The following KNCN variants were observed in gnomAD, a reference collection of about 807,000 sequenced individuals.
The protein encoded by KNCN is kinocilin.
Under a neutral mutation model 10.4 loss-of-function variants are expected in KNCN, and 11 were observed. The observed-to-expected ratio is 1.06, with a 90% CI of 0.67 to 1.75. The LOEUF (loss-of-function observed/expected upper bound fraction) is 1.75. Ranked by LOEUF, KNCN falls within the 40% of genes most tolerant of loss-of-function variation. The pLI is 0.00. For synonymous variants in KNCN, 67 were observed against 71.6 expected (o/e 0.94, Z 0.33); for missense variants, 172 against 167.1 (o/e 1.03, Z -0.16).
Position 46,547,811 on chromosome 1 carries a change from T to TG in KNCN, c.296-3dup. 1 of 1,455,530 alleles carries TG rather than the reference T, an allele frequency of 6.9e-7. No individual in the cohort carries two copies. The highest frequency in any genetic ancestry group is 2.5e-5 in the East Asian group (1 of 40,356). 90.2% of individuals were successfully genotyped at this position (1,455,530 alleles called of 1,614,324 possible). On this transcript the variant is annotated splice_polypyrimidine_tract_variant and splice_region_variant and intron_variant, in intron 3 of 3. Transcript: ENST00000481882. ...CGGTGGACAGGCTGCTGCGGGCTCCTGGGGGAGAGAACAGGGACGAGGACT... is the reference window on the plus strand; with the variant it reads ...CGGTGGACAGGCTGCTGCGGGCTCCTGGGGGGAGAGAACAGGGACGAGGACT...
rs1666948242 is a variant in KNCN, at chr1:46,546,647, A to G, written c.*1083T>C. 6.6e-6 allele frequency: 1 copy of G among 152,284 alleles called. No homozygotes were observed. The highest frequency in any genetic ancestry group is 6.5e-5 in the Admixed American group (1 of 15,286). 9.4% of individuals were successfully genotyped at this position (152,284 alleles called of 1,614,324 possible). On this transcript the variant is annotated 3_prime_UTR_variant, in exon 4 of 4. Coordinates refer to ENST00000481882, the MANE Select transcript of KNCN (RefSeq NM_001322255.2). The stretch of plus-strand genomic sequence containing the variant: ...TCTACCCACGGTAGATGGGACTTTG[A>G]AGTGGCTTCCCAGGGAAAGCCTAGG...
rs569795031 is a variant in KNCN, at chr1:46,546,721, A to C, written c.*1009T>G. The C allele has an allele frequency of 6.6e-6, 1 of 152,572 alleles. No individual in the cohort carries two copies. The highest frequency in any genetic ancestry group is 1.9e-4 in the East Asian group (1 of 5,192). The allele number at this position is 152,572 out of a possible 1,614,324, so 9.5% of individuals were successfully genotyped here. A position where few individuals can be genotyped will look rare whatever the true frequency, so the allele number is the denominator to read the frequency against. On this transcript the variant is annotated 3_prime_UTR_variant, in exon 4 of 4. Coordinates refer to ENST00000481882, the MANE Select transcript of KNCN (RefSeq NM_001322255.2). ...ATCCATTAACATTTATTAAGCACCT[A>C]CTGGTCTGGTGCTAGACACTAGAGC...
In KNCN at chr1:46,547,615, G is replaced by T. The variant is rs1222915476; in HGVS notation, c.*115C>A. 1 of 809,884 alleles carries T rather than the reference G, an allele frequency of 1.2e-6. No homozygotes were observed. The highest frequency in any genetic ancestry group is 2.7e-5 in the East Asian group (1 of 37,676). The allele number at this position is 809,884 out of a possible 1,614,324, so 50.2% of individuals were successfully genotyped here. A position where few individuals can be genotyped will look rare whatever the true frequency, so the allele number is the denominator to read the frequency against. On this transcript the variant is annotated 3_prime_UTR_variant, in exon 4 of 4. Coordinates refer to ENST00000481882, the MANE Select transcript of KNCN (RefSeq NM_001322255.2). ...CAGACACTGTTCCCAGCCGCTCTGG[G>T]GTCTGCAGGGCCTGGCTTGTCTCCG... is the stretch of plus-strand genomic sequence containing the variant.
rs1479841081 is a variant in KNCN at position 46,547,912 on chromosome 1, T to G, written c.296-103A>C. 9 of 789,346 alleles carry G rather than the reference T, an allele frequency of 1.1e-5. 1 individual carries two copies. In the South Asian group the frequency reaches 2.0e-4, roughly 17 times the overall value. 48.9% of individuals were successfully genotyped at this position (789,346 alleles called of 1,614,324 possible). On this transcript the variant is annotated intron_variant, in intron 3 of 3. Transcript: ENST00000481882. ...GGGACCCAAGGCCGGGGTGCCTGGT[T>G]GACCCCAGGGCAGAGCTGGGATAGA... is the stretch of plus-strand genomic sequence containing the variant.
At chr1:46,549,115 TG>T in intron 3 of KNCN, 77 bp downstream of exon 3, 1 of 1,146,976 alleles carries the variant, frequency 8.7e-7, no homozygotes, top group South Asian at 1.4e-5. Context: ...CACTCCAGCC[TG>T]GGCAACACGA....
rs114099268 is a variant in KNCN at position 46,547,852 on chromosome 1, T to A, written c.296-43A>T. ...GACGAGGACTGCCTCCGTAGACAGG[T>A]CCCCATGGAGTTGTCAGGGTCAGAG... is the stretch of plus-strand genomic sequence containing the variant. On this transcript the variant is annotated intron_variant, in intron 3 of 3. Coordinates refer to ENST00000481882, the MANE Select transcript of KNCN (RefSeq NM_001322255.2). The A allele has an allele frequency of 7.1e-4, 989 of 1,387,014 alleles. 6 individuals are homozygous for A. The African/African-American group carries it at 0.012, about 17-fold the overall frequency. 85.9% of individuals were successfully genotyped at this position (1,387,014 alleles called of 1,614,324 possible). A position where few individuals can be genotyped will look rare whatever the true frequency, so the allele number is the denominator to read the frequency against.
rs1184402384 is a variant in KNCN, at chr1:46,547,720, A to G, written c.*10T>C. 6.6e-7 allele frequency: 1 copy of G among 1,513,776 alleles called. No homozygotes were observed. The allele number at this position is 1,513,776 out of a possible 1,614,324, so 93.8% of individuals were successfully genotyped here. On this transcript the variant is annotated 3_prime_UTR_variant, in exon 4 of 4. Transcript: ENST00000481882. Reference sequence around the variant, plus strand: ...GAGGGCAGGGCATGGGCAGCCGCTCAGACTTTGCCTCAGCATTCCTCAGCC... The same window carrying G: ...GAGGGCAGGGCATGGGCAGCCGCTCGGACTTTGCCTCAGCATTCCTCAGCC...
chr1:46,546,972 G>A lies in KNCN; in HGVS notation c.*758C>T, dbSNP rs191812828. The A allele has an allele frequency of 1.7e-5, 3 of 178,004 alleles. No individual in the cohort carries two copies. Among genetic ancestry groups the A allele is most frequent in the African/African-American group, 4.7e-5 (2 of 42,218 alleles). 11.0% of individuals were successfully genotyped at this position (178,004 alleles called of 1,614,324 possible). On this transcript the variant is annotated 3_prime_UTR_variant, in exon 4 of 4. Coordinates refer to ENST00000481882, the MANE Select transcript of KNCN (RefSeq NM_001322255.2). The stretch of plus-strand genomic sequence containing the variant: ...CAGGGCAAAGCTTGGAGACAGGAAT[G>A]TGTTTTGCTTGTTCAGGGAGCAGTG...
In KNCN at chr1:46,549,410, A is replaced by G. The variant is rs868340796; in HGVS notation, c.221-143T>C. The stretch of plus-strand genomic sequence containing the variant: ...TCCACTGCATTCCTTTAGGTCTCAC[A>G]TGATCTGGGCTGATTTGGGCAGGAG... On this transcript the variant is annotated intron_variant, in intron 2 of 3. Coordinates refer to ENST00000481882, the MANE Select transcript of KNCN (RefSeq NM_001322255.2). 5.0e-5 allele frequency: 31 copies of G among 618,842 alleles called. 1 individual carries two copies. Among genetic ancestry groups the G allele is most frequent in the South Asian group, 2.5e-4 (10 of 40,622 alleles). The allele number at this position is 618,842 out of a possible 1,614,324, so 38.3% of individuals were successfully genotyped here.
intron 3 of KNCN, among the ~76,000 whole-genome samples, chr1:46,548,713 G>A (rs976822305): frequency 6.6e-6 from 1 of 152,208 alleles, no homozygotes; most frequent in Non-Finnish European, 1.5e-5. Flanking sequence ...GTTCAGCTTG[G>A]AGCAGCAAGG....
Position 46,551,059 on chromosome 1 carries a change from G to C in KNCN, c.151+6C>G, listed in dbSNP as rs1180285795. ...CCTTCCCTATCCCAGCCCAGCCCCT[G>C]CTCACCCAGAACAGCAGCGCCAATA... On this transcript the variant is annotated splice_donor_region_variant and intron_variant, in intron 1 of 3. Coordinates refer to ENST00000481882, the MANE Select transcript of KNCN (RefSeq NM_001322255.2). The surrounding 1 kb of genome is among the most constrained non-coding windows in gnomAD (Gnocchi z 4.0). 1 of 1,577,574 alleles carries C rather than the reference G, an allele frequency of 6.3e-7. No homozygotes were observed. The highest frequency in any genetic ancestry group is 1.4e-5 in the African/African-American group (1 of 73,130).
chr1:46,549,643 G>A, intron 2 of KNCN: 1 of 565,756 alleles, frequency 1.8e-6, no homozygotes, highest in South Asian at 2.3e-5. Context: ...GATGGAGAGG[G>A]AGTTATTTAG....
At chr1:46,550,134 G>C in intron 1 of KNCN, 132 bp from the exon 2 acceptor site, 3 of 1,496,952 alleles carry the variant, frequency 2.0e-6, no homozygotes, top group Middle Eastern at 4.7e-4. Flanking sequence ...GTGCAGACTT[G>C]GGACTGTGAG....
Position 46,549,869 on chromosome 1 carries a change from A to G in KNCN, c.220+65T>C, listed in dbSNP as rs1569936608. 26 of 1,550,006 alleles carry G rather than the reference A, an allele frequency of 1.7e-5. No individual in the cohort carries two copies. The East Asian group carries it at 6.1e-4, about 36-fold the overall frequency. Reference sequence around the variant, plus strand: ...CCAGCCACACAGTGGGTCACAGACGAGCACACAAAGGGTCTGGAACAGTCC... The same window carrying G: ...CCAGCCACACAGTGGGTCACAGACGGGCACACAAAGGGTCTGGAACAGTCC... On this transcript the variant is annotated intron_variant, in intron 2 of 3. Transcript: ENST00000481882.
Position 46,547,640 on chromosome 1 carries a change from G to A in KNCN, c.*90C>T, listed in dbSNP as rs41294770. 146 of 1,016,338 alleles carry A rather than the reference G, an allele frequency of 1.4e-4. No homozygotes were observed. Among genetic ancestry groups the A allele is most frequent in the Middle Eastern group, 6.1e-4 (3 of 4,914 alleles). 63.0% of individuals were successfully genotyped at this position (1,016,338 alleles called of 1,614,324 possible). ...GGTCTGCAGGGCCTGGCTTGTCTCC[G>A]GTCCGGGTCTCCTAACCCAGGAGGG... On this transcript the variant is annotated 3_prime_UTR_variant, in exon 4 of 4. Transcript: ENST00000481882.
chr1:46,549,884 T>C (rs1667030009), intron 2 of KNCN, 50 bp downstream of exon 2: 2 of 1,550,344 alleles, frequency 1.3e-6, no homozygotes, highest in South Asian at 2.4e-5. Context: ...ACAAAGGGTC[T>C]GGAACAGTCC....
rs1363237898 is a variant in KNCN at position 46,549,247 on chromosome 1, G to A, written c.241C>T (p.His81Tyr). ...PTIGSLRIHP[H>Y]PGADHGEGRS... ...CCTTCCCCGTGGTCTGCCCCTGGAT[G>A]GGGATGGATTCTTAGGCTCCCTGCA... is the stretch of plus-strand genomic sequence containing the variant. Residue 81 changes from histidine to tyrosine, a missense_variant, in exon 3 of 4, where the codon CAT (histidine) becomes TAT (tyrosine). Transcript: ENST00000481882. 2.5e-6 allele frequency: 4 copies of A among 1,612,924 alleles called. No homozygotes were observed. The Admixed American group carries it at 5.0e-5, about 20-fold the overall frequency.
Position 46,546,419 on chromosome 1 carries a change from CAG to C in KNCN, c.*1309_*1310del, listed in dbSNP as rs1341362220. ...CTGGGGCTGGGAAGCACAGTGAAGT[CAG>C]GGGAGGCTTCTAAGAGGAAGTGCCG... On this transcript the variant is annotated 3_prime_UTR_variant, in exon 4 of 4. Coordinates refer to ENST00000481882, the MANE Select transcript of KNCN (RefSeq NM_001322255.2). 1 of 152,272 alleles carries C rather than the reference CAG, an allele frequency of 6.6e-6. No individual in the cohort carries two copies. 9.4% of individuals were successfully genotyped at this position (152,272 alleles called of 1,614,324 possible). A position where few individuals can be genotyped will look rare whatever the true frequency, so the allele number is the denominator to read the frequency against.
rs181044954 is a variant in KNCN, at chr1:46,549,065, C to T, written c.295+128G>A. 660 of 647,568 alleles carry T rather than the reference C, an allele frequency of 1.0e-3. 8 individuals are homozygous for T. The African/African-American group carries it at 0.01, about 10-fold the overall frequency. 40.1% of individuals were successfully genotyped at this position (647,568 alleles called of 1,614,324 possible). On this transcript the variant is annotated intron_variant, in intron 3 of 3. Coordinates refer to ENST00000481882, the MANE Select transcript of KNCN (RefSeq NM_001322255.2). ...CTGAGGCAGGAGAATTGCTTGAAAC[C>T]GGGAGGTGGAGGTTGCAGTGAGCCG...
Sources: allele counts gnomAD v4.1 joint callset (sites outside exome capture counted in the v4.1 genomes callset), GRCh38; gene constraint gnomAD v4.1.1; non-coding constraint Gnocchi (gnomAD v3.1); transcripts MANE v1.5; gene names NCBI Gene and HGNC (gene_info 2026-07-23, HGNC 2026-07-21).